KLHL6: variants seen among roughly 807,000 people sequenced by gnomAD.
KLHL6 encodes kelch like family member 6.
In KLHL6, 41 loss-of-function variants were observed where a neutral mutation model predicts 58.6. The ratio of observed to expected loss-of-function variants is 0.70; its 90% confidence interval spans 0.55 to 0.91. The LOEUF is 0.91. KLHL6 is among the 40% of genes least tolerant of loss of function. The pLI, the probability that KLHL6 is intolerant of heterozygous loss-of-function variation, is 0.00. For missense variants in KLHL6, 714 were observed against 805.6 expected, an observed-to-expected ratio of 0.89 and a Z score of 1.38; for synonymous variants, 338 against 322.7, an observed-to-expected ratio of 1.05 and a Z score of -0.51.
At chr3:183,526,849 A>G (rs1711988562) in intron 2 of KLHL6, among the ~76,000 whole-genome samples, 1 of 152,222 alleles carries the variant, frequency 6.6e-6, no homozygotes, top group Admixed American at 6.5e-5. Flanking sequence ...CTGTAATCCC[A>G]GCACTTTGGG....
intron 1 of KLHL6, chr3:183,544,852 G>C (rs1577203775): frequency 6.6e-6 from 1 of 151,978 alleles, no homozygotes; most frequent in African/African-American, 2.4e-5. Context: ...GCTGATCATT[G>C]TGCCCCACCT....
chr3:183,545,259 G>GGCA (rs554737604), intron 1 of KLHL6, among the ~76,000 whole-genome samples: 295 of 152,306 alleles, frequency 1.9e-3, no homozygotes, highest in Non-Finnish European at 9.8e-4. Context: ...AGGAATATGA[G>GGCA]GCAGCGCAAA....
intron 1 of KLHL6, among the ~76,000 whole-genome samples, chr3:183,537,591 G>A (rs1712407626): frequency 6.6e-6 from 1 of 151,984 alleles, no homozygotes; most frequent in Non-Finnish European, 1.5e-5. Context: ...CCAAAATAGA[G>A]CCTGACCCAG....
At chr3:183,533,346 C>T (rs1712221727) in intron 1 of KLHL6, among the ~76,000 whole-genome samples, 1 of 150,484 alleles carries the variant, frequency 6.6e-6, no homozygotes, top group Non-Finnish European at 1.5e-5. Context: ...TTCTTCCTTT[C>T]TTTCTCTTCC....
At chr3:183,524,148 T>C (rs774789336) in intron 2 of KLHL6, among the ~76,000 whole-genome samples, 3 of 152,138 alleles carry the variant, frequency 2.0e-5, no homozygotes, top group Non-Finnish European at 4.4e-5. Flanking sequence ...GAAATCATTC[T>C]CCTTCAAGAT....
At chr3:183,543,274 G>C (rs1360601884) in intron 1 of KLHL6, among the ~76,000 whole-genome samples, 2 of 144,472 alleles carry the variant, frequency 1.4e-5, no homozygotes, top group African/African-American at 5.1e-5. Flanking sequence ...GCGACAGAGC[G>C]AAACTCCATT....
chr3:183,531,443 G>GTTTTTTTTTTTTT (rs59579259), intron 1 of KLHL6, among the ~76,000 whole-genome samples: 3 of 90,364 alleles, frequency 3.3e-5, no homozygotes, highest in African/African-American at 4.8e-5. Flanking sequence ...TTTTGTCTGT[G>GTTTTTTTTTTTTT]TTTTTTTTTT....
chr3:183,508,843 C>T (rs776522162), intron 2 of KLHL6, among the ~76,000 whole-genome samples: 2 of 152,104 alleles, frequency 1.3e-5, no homozygotes, highest in African/African-American at 4.8e-5. Flanking sequence ...TTCATACAGT[C>T]GATAGCTCTG....
At chr3:183,513,059 T>A (rs928399422) in intron 2 of KLHL6, among the ~76,000 whole-genome samples, 1 of 152,226 alleles carries the variant, frequency 6.6e-6, no homozygotes. Context: ...TTAATTTTTT[T>A]AGAGTTTGTT....
chr3:183,512,347 G>A (rs1487736486), intron 2 of KLHL6, among the ~76,000 whole-genome samples: 4 of 152,144 alleles, frequency 2.6e-5, no homozygotes, highest in Non-Finnish European at 5.9e-5. Flanking sequence ...GTTTCTATTG[G>A]TGATAATGAA....
chr3:183,492,841 G>GC lies in KLHL6; in HGVS notation c.1351-135dup. The GC allele has an allele frequency of 4.2e-6, 3 of 713,124 alleles. No homozygotes were observed. The highest frequency in any genetic ancestry group is 7.0e-6 in the Non-Finnish European group (3 of 430,284). The allele number at this position is 713,124 out of a possible 1,614,324, so 44.2% of individuals were successfully genotyped here. ...TTGCCTATAGTCACAAGGCCCATGG[G>GC]CTTGACTCCTCTTAAGACACAGCAA... is the stretch of plus-strand genomic sequence containing the variant. On this transcript the variant is annotated intron_variant, in intron 5 of 6. Coordinates refer to ENST00000341319, the MANE Select transcript of KLHL6 (RefSeq NM_130446.4). This position sits in a 1 kb window ranked among gnomAD's most constrained non-coding sequence, Gnocchi z 5.9.
At chr3:183,511,890 A>G (rs576491500) in intron 2 of KLHL6, among the ~76,000 whole-genome samples, 2 of 152,304 alleles carry the variant, frequency 1.3e-5, no homozygotes, top group South Asian at 4.1e-4. Context: ...CCCTTTCTAC[A>G]TAGACACAGT....
At chr3:183,520,882 C>A (rs917576649) in intron 2 of KLHL6, 1 of 151,802 alleles carries the variant, frequency 6.6e-6, no homozygotes, top group African/African-American at 2.4e-5. Context: ...TGCAAAGAGG[C>A]CTTCCTCTTT....
chr3:183,551,507 G>A (rs1034645026), intron 1 of KLHL6, among the ~76,000 whole-genome samples: 18 of 152,180 alleles, frequency 1.2e-4, no homozygotes, highest in African/African-American at 3.1e-4. Flanking sequence ...GAAAAGAAAC[G>A]TGATCATTGA....
chr3:183,530,829 CA>C (rs1186627353), intron 1 of KLHL6, among the ~76,000 whole-genome samples: 3 of 130,486 alleles, frequency 2.3e-5, no homozygotes, highest in Non-Finnish European at 4.9e-5. Flanking sequence ...TGTGAACATG[CA>C]TTTTTTTTTT....
intron 1 of KLHL6, among the ~76,000 whole-genome samples, chr3:183,550,579 G>C (rs1362662874): frequency 6.6e-6 from 1 of 151,818 alleles, no homozygotes; most frequent in Non-Finnish European, 1.5e-5. Context: ...TGGATCACCT[G>C]AGGTCAGGAG....
chr3:183,542,802 C>T (rs1365504057), intron 1 of KLHL6, among the ~76,000 whole-genome samples: 1 of 152,124 alleles, frequency 6.6e-6, no homozygotes, highest in Non-Finnish European at 1.5e-5. Context: ...TTTGTAAACT[C>T]TGTGCCTGCC....
intron 2 of KLHL6, among the ~76,000 whole-genome samples, chr3:183,514,425 G>A (rs972624814): frequency 1.5e-4 from 23 of 151,860 alleles, no homozygotes; most frequent in East Asian, 5.8e-4. Context: ...GCCTTTCCAC[G>A]CTCCTGCCAT....
At chr3:183,539,667 C>G (rs1354328965) in intron 1 of KLHL6, among the ~76,000 whole-genome samples, 1 of 150,572 alleles carries the variant, frequency 6.6e-6, no homozygotes, top group Non-Finnish European at 1.5e-5. Flanking sequence ...CAAGGTCGCA[C>G]TACTGCACTC....
Sources: allele counts gnomAD v4.1 joint callset (sites outside exome capture counted in the v4.1 genomes callset), GRCh38; gene constraint gnomAD v4.1.1; non-coding constraint Gnocchi (gnomAD v3.1); transcripts MANE v1.5; gene names NCBI Gene and HGNC (gene_info 2026-07-23, HGNC 2026-07-21).